Variants in YAF2 observed in about 807,000 individuals in gnomAD.
The protein encoded by YAF2 is YY1 associated factor 2, also known as YY1-associated factor 2.
Under a neutral mutation model 20.1 loss-of-function variants are expected in YAF2, and 7 were observed. The observed-to-expected ratio is 0.35, with a 90% confidence interval of 0.20 to 0.65. YAF2 has a LOEUF of 0.65. YAF2 is among the 30% of genes least tolerant of loss of function. The pLI is 0.69. For missense variants in YAF2, 151 were observed against 219.2 expected, an observed-to-expected ratio of 0.69 and a Z score of 1.96; for synonymous variants, 74 against 76.0, an observed-to-expected ratio of 0.97 and a Z score of 0.14.
rs979653020 is a variant in YAF2 at position 42,237,541 on chromosome 12, G to C, written c.152+58C>G. ...ATGGGAGGGGGCGGCAGCCGCAAGGGCGTCCTCTGGTCGCCACCCCGCCGG... is the reference window on the plus strand; with the variant it reads ...ATGGGAGGGGGCGGCAGCCGCAAGGCCGTCCTCTGGTCGCCACCCCGCCGG... On this transcript the variant is annotated intron_variant, in intron 2 of 3. Coordinates refer to ENST00000534854, the MANE Select transcript of YAF2 (RefSeq NM_005748.6). The C allele has an allele frequency of 7.5e-6, 11 of 1,459,824 alleles. No homozygotes were observed. The African/African-American group carries it at 1.6e-4, about 22-fold the overall frequency. The allele number at this position is 1,459,824 out of a possible 1,614,324, so 90.4% of individuals were successfully genotyped here. A position where few individuals can be genotyped will look rare whatever the true frequency, so the allele number is the denominator to read the frequency against.
chr12:42,237,797 G>GC, intron 1 of YAF2, 73 bp from the exon 2 acceptor site: 1 of 1,127,928 alleles, frequency 8.9e-7, no homozygotes, highest in East Asian at 5.9e-5. Flanking sequence ...GGGCCCCGCG[G>GC]CCGCCCCCGC....
At chr12:42,166,463 C>A (rs1446973267) in intron 2 of YAF2, among the ~76,000 whole-genome samples, 2 of 152,206 alleles carry the variant, frequency 1.3e-5, no homozygotes, top group Non-Finnish European at 2.9e-5. Flanking sequence ...AATGTTTTCA[C>A]ATGTCTTTAA....
chr12:42,211,374 C>T (rs979634188), intron 2 of YAF2, among the ~76,000 whole-genome samples: 8 of 133,828 alleles, frequency 6.0e-5, no homozygotes, highest in Non-Finnish European at 1.1e-4. Flanking sequence ...TTGCAGTGAG[C>T]GGAGATCGTG....
chr12:42,162,682 T>C (rs570887877), intron 2 of YAF2, among the ~76,000 whole-genome samples: 69 of 152,330 alleles, frequency 4.5e-4, no homozygotes, highest in African/African-American at 1.5e-3. Context: ...AAAAATCTTT[T>C]TTTCTCCTGT....
chr12:42,216,866 G>T (rs1400039024), intron 2 of YAF2, among the ~76,000 whole-genome samples: 1 of 152,084 alleles, frequency 6.6e-6, no homozygotes, highest in East Asian at 1.9e-4. Flanking sequence ...TCACTCAACT[G>T]CTTAAGCCAG....
intron 2 of YAF2, chr12:42,232,482 G>T: frequency 1.0e-6 from 1 of 985,378 alleles, no homozygotes; most frequent in African/African-American, 1.7e-5. Flanking sequence ...ATTAACCAGT[G>T]TGAGTCCTCT....
At chr12:42,177,605 G>T (rs145694091) in intron 2 of YAF2, among the ~76,000 whole-genome samples, 3 of 152,046 alleles carry the variant, frequency 2.0e-5, no homozygotes, top group South Asian at 2.1e-4. Flanking sequence ...AGTCACATAG[G>T]GGGTGAGGGC....
At position 42,158,490 on chromosome 12, in the gene YAF2, G is replaced by C. The variant is rs939652252; in HGVS notation, c.*2099C>G. 6.6e-6 allele frequency: 1 copy of C among 152,052 alleles called. No individual in the cohort carries two copies. Among genetic ancestry groups the C allele is most frequent in the African/African-American group, 2.4e-5 (1 of 41,386 alleles). The allele number at this position is 152,052 out of a possible 1,614,324, so 9.4% of individuals were successfully genotyped here. A position where few individuals can be genotyped will look rare whatever the true frequency, so the allele number is the denominator to read the frequency against. On this transcript the variant is annotated 3_prime_UTR_variant, in exon 4 of 4. Transcript: ENST00000534854. Reference sequence around the variant, plus strand: ...TGTCAGATAATTAAGAATTTTACACGGATTGACTTAATCCTCCCAAAAACC... The same window carrying C: ...TGTCAGATAATTAAGAATTTTACACCGATTGACTTAATCCTCCCAAAAACC...
chr12:42,207,273 T>A (rs2067070838), intron 2 of YAF2, among the ~76,000 whole-genome samples: 1 of 152,220 alleles, frequency 6.6e-6, no homozygotes, highest in Non-Finnish European at 1.5e-5. Flanking sequence ...CTGATGATTA[T>A]TTAGAAGAGA....
chr12:42,161,874 A>G (rs2065806771), intron 2 of YAF2, 109 bp from the exon 3 acceptor site: 1 of 1,037,510 alleles, frequency 9.6e-7, no homozygotes, highest in Non-Finnish European at 1.4e-6. Context: ...ATAACTTTCA[A>G]GTATAAAAAT....
At chr12:42,228,896 C>A (rs1348301608) in intron 2 of YAF2, among the ~76,000 whole-genome samples, 2 of 70,340 alleles carry the variant, frequency 2.8e-5, no homozygotes, top group African/African-American at 1.2e-4. Context: ...CGGCCACCAC[C>A]CCGTCTGGGA....
Position 42,160,713 on chromosome 12 carries a change from G to A in YAF2, c.419C>T (p.Ser140Phe), listed in dbSNP as rs1396011051. The A allele has an allele frequency of 6.2e-7, 1 of 1,613,742 alleles. No homozygotes were observed. The highest frequency in any genetic ancestry group is 8.5e-7 in the Non-Finnish European group (1 of 1,179,848). The change falls in exon 4 of 4, where the codon TCT becomes TTT. Residue 140 changes from serine to phenylalanine, a missense_variant. By Grantham distance (155) the Ser-to-Phe change is radical. Transcript: ENST00000534854. ...GTGTTGATCTGCAGAAGCAGCACTA[G>A]ATGCAGGCGGTGACTTTGTTTTCTC... Reference protein sequence around the residue: ...FKEKTKSPPASSAASADQHSQ... With the variant: ...FKEKTKSPPAFSAASADQHSQ...
At chr12:42,230,484 T>G (rs1218096514) in intron 2 of YAF2, among the ~76,000 whole-genome samples, 1 of 152,172 alleles carries the variant, frequency 6.6e-6, no homozygotes, top group Non-Finnish European at 1.5e-5. Context: ...TCAATTTTTT[T>G]TTTAAATATA....
chr12:42,215,994 C>A (rs2067346628), intron 2 of YAF2, among the ~76,000 whole-genome samples: 1 of 151,882 alleles, frequency 6.6e-6, no homozygotes, highest in African/African-American at 2.4e-5. Flanking sequence ...TGTACATTTA[C>A]TTACCACTTA....
At chr12:42,186,845 C>T (rs979599129) in intron 2 of YAF2, among the ~76,000 whole-genome samples, 5 of 152,046 alleles carry the variant, frequency 3.3e-5, no homozygotes, top group Admixed American at 3.3e-4. Context: ...AAAGAAACAC[C>T]CATCAGTAGG....
At chr12:42,214,374 C>A (rs2067293921) in intron 2 of YAF2, among the ~76,000 whole-genome samples, 1 of 152,174 alleles carries the variant, frequency 6.6e-6, no homozygotes, top group Non-Finnish European at 1.5e-5. Flanking sequence ...TGGGCTCAAG[C>A]CATTCTCTTA....
chr12:42,203,758 A>G (rs1321196300), intron 2 of YAF2, among the ~76,000 whole-genome samples: 2 of 152,198 alleles, frequency 1.3e-5, no homozygotes, highest in South Asian at 2.1e-4. Context: ...TGAATGTAAT[A>G]TATTTTCCCT....
intron 2 of YAF2, among the ~76,000 whole-genome samples, chr12:42,228,805 G>A (rs1178938354): frequency 7.2e-5 from 4 of 55,676 alleles, no homozygotes; most frequent in African/African-American, 1.7e-4. Context: ...TCAGCCCCCC[G>A]CCCGGCCAGC....
In YAF2 at chr12:42,208,179, A is replaced by AC. The variant is rs561505423; in HGVS notation, c.152+29419dup. Among the ~76,000 whole-genome samples the AC allele has an allele frequency of 3.4e-3, 511 of 151,618 alleles. 1 individual carries two copies. The highest frequency in any genetic ancestry group is 0.012 in the African/African-American group (477 of 41,360). ...GCCATGGCTCATGCCTGTAATCCTA[A>AC]CACTTTGGGAGGCCGAGGCGGGCAG... On this transcript the variant is annotated intron_variant, in intron 2 of 3. Transcript: ENST00000534854.
Sources: allele counts gnomAD v4.1 joint callset (sites outside exome capture counted in the v4.1 genomes callset), GRCh38; gene constraint gnomAD v4.1.1; transcripts MANE v1.5; gene names NCBI Gene and HGNC (gene_info 2026-07-23, HGNC 2026-07-21).